The following NBPF19 variants were observed in gnomAD, a reference collection of about 807,000 sequenced individuals.
NBPF19 encodes the protein NBPF family member NBPF19.
NBPF19 carries 30 observed loss-of-function variants against 45.9 expected under a neutral mutation model. The ratio of observed to expected loss-of-function variants is 0.65; its 90% CI spans 0.49 to 0.89. The LOEUF is 0.89. NBPF19 is among the 40% of genes least tolerant of loss of function. NBPF19 has a pLI of 0.00. For synonymous variants in NBPF19, 183 were observed against 181.2 expected (o/e 1.01, Z -0.08); for missense variants, 495 against 471.8 (o/e 1.05, Z -0.46).
At chr1:149,494,141 ATTC>A (rs1411548590) in intron 17 of NBPF19, among the ~76,000 whole-genome samples, 174 bp from the exon 18 acceptor site, 4 of 115,088 alleles carry the variant, frequency 3.5e-5, no homozygotes, top group Non-Finnish European at 6.8e-5. Flanking sequence ...TTTCTCTTTC[ATTC>A]TTCTCTACCT....
At position 149,554,878 on chromosome 1, in the gene NBPF19, A is replaced by C. The variant is rs1471877612; in HGVS notation, c.*140A>C. 1 of 1,470,718 alleles carries C rather than the reference A, an allele frequency of 6.8e-7. No homozygotes were observed. Among genetic ancestry groups the C allele is most frequent in the Non-Finnish European group, 9.2e-7 (1 of 1,081,982 alleles). 91.1% of individuals were successfully genotyped at this position (1,470,718 alleles called of 1,614,324 possible). ...GGCATGGCTCTTTTCCTATTCTCAA[A>C]CCATGCCAGTGGCAACCTGTGCTCA... On this transcript the variant is annotated 3_prime_UTR_variant, in exon 94 of 94. Transcript: ENST00000651566.
intron 15 of NBPF19, among the ~76,000 whole-genome samples, chr1:149,492,519 C>CTCTCTG (rs1420167905): frequency 4.4e-5 from 5 of 113,520 alleles, no homozygotes; most frequent in Non-Finnish European, 9.2e-5. Flanking sequence ...AGGTCACTTT[C>CTCTCTG]TCTCTGTCTC....
intron 93 of NBPF19, 35 bp from the exon 94 acceptor site, chr1:149,554,460 C>G (rs1402171633): frequency 6.2e-7 from 1 of 1,607,696 alleles, no homozygotes; most frequent in Non-Finnish European, 8.5e-7. Context: ...TCTGATTTTC[C>G]CTGGCTGCTT....
At position 149,554,412 on chromosome 1, in the gene NBPF19, C is replaced by T. The variant is rs2087177644; in HGVS notation, c.11289-83C>T. On this transcript the variant is annotated intron_variant, in intron 93 of 93. Transcript: ENST00000651566. The stretch of plus-strand genomic sequence containing the variant: ...ATCCTTTTTCTTTTCTAACCACTTC[C>T]TTATGTGACTTCTGAAATCTAGTGG... 4.4e-6 allele frequency: 7 copies of T among 1,606,840 alleles called. No homozygotes were observed. In the East Asian group the frequency reaches 1.1e-4, roughly 26 times the overall value.
At position 149,554,637 on chromosome 1, in the gene NBPF19, G is replaced by T; in HGVS notation, c.11431G>T (p.Glu3811Ter). Reference sequence around the variant, plus strand: ...AAGTGTGTTTTACTCATTTGAGGAAGAGCATATCAGCTTCGCCCTTTACTT... The same window carrying T: ...AAGTGTGTTTTACTCATTTGAGGAATAGCATATCAGCTTCGCCCTTTACTT... ...YRSVFYSFEEEHISFALYLDN... is the reference protein window; with the variant it reads ...YRSVFYSFEE Residue 3811 changes from glutamate (E) to a stop codon, truncating the protein, a stop_gained, in exon 94 of 94, where the codon GAG (glutamate) becomes TAG (stop). Transcript: ENST00000651566. LOFTEE classifies it low-confidence loss of function (END_TRUNC). 2 of 1,608,370 alleles carry T rather than the reference G, an allele frequency of 1.2e-6. No homozygotes were observed. The highest frequency in any genetic ancestry group is 1.7e-6 in the Non-Finnish European group (2 of 1,176,778).
chr1:149,477,925 G>A lies in NBPF19; in HGVS notation c.176-20G>A, dbSNP rs1218783025. The stretch of plus-strand genomic sequence containing the variant: ...CATGTCCAGCCTTCCACTGAGGCAG[G>A]CGTGTCTGTCTTTTCTCAGAGTATG... On this transcript the variant is annotated intron_variant, in intron 2 of 93. Coordinates refer to ENST00000651566, the MANE Select transcript of NBPF19 (RefSeq NM_001351365.2). 13 of 1,205,416 alleles carry A rather than the reference G, an allele frequency of 1.1e-5. No individual in the cohort carries two copies. The highest frequency in any genetic ancestry group is 9.3e-5 in the East Asian group (4 of 43,060). 74.7% of individuals were successfully genotyped at this position (1,205,416 alleles called of 1,614,324 possible). A position where few individuals can be genotyped will look rare whatever the true frequency, so the allele number is the denominator to read the frequency against.
chr1:149,478,749 C>G, intron 3 of NBPF19, 131 bp from the exon 4 acceptor site: 5 of 1,071,274 alleles, frequency 4.7e-6, no homozygotes, highest in Non-Finnish European at 7.2e-6. Flanking sequence ...CACAGTCATT[C>G]CTTTCAACAT....
At position 149,475,499 on chromosome 1, in the gene NBPF19, G is replaced by A; in HGVS notation, c.-332G>A. The stretch of plus-strand genomic sequence containing the variant: ...GGGTACACGAATACTGAGAGTGAAT[G>A]CTGAAGGAATGATCCCCATTGGTGG... On this transcript the variant is annotated 5_prime_UTR_variant, in exon 1 of 94. The change abolishes an upstream ATG in the 5' untranslated region. Transcript: ENST00000651566. The A allele has an allele frequency of 3.2e-6, 2 of 616,172 alleles. No individual in the cohort carries two copies. Among genetic ancestry groups the A allele is most frequent in the Non-Finnish European group, 5.7e-6 (2 of 352,034 alleles). 38.2% of individuals were successfully genotyped at this position (616,172 alleles called of 1,614,324 possible).
chr1:149,554,515 A>T lies in NBPF19; in HGVS notation c.11309A>T (p.Glu3770Val), dbSNP rs1438430551. 12 of 1,608,130 alleles carry T rather than the reference A, an allele frequency of 7.5e-6. No individual in the cohort carries two copies. In the Admixed American group the frequency reaches 2.0e-4, roughly 27 times the overall value. Residue 3770 changes from glutamate (E) to valine (V), a missense_variant, in exon 94 of 94, where the codon GAA (glutamate) becomes GTA (valine). By Grantham distance (121) the Glu-to-Val change is moderately radical (BLOSUM62 -2). Transcript: ENST00000651566. ...PCPRLNSVLM[E>V]VEEPEVLQDS... ...TCCAGGCTCAACAGCGTGCTGATGG[A>T]AGTGGAAGAGCCTGAAGTCTTACAG...
rs1307033574 is a variant in NBPF19 at position 149,490,964 on chromosome 1, C to A, written c.1491-175C>A. ...TGTGTGTCCATCTGTCTCTTTCATT[C>A]TTTTCCATTTGGCCCTGTTCTGTCC... On this transcript the variant is annotated intron_variant, in intron 13 of 93. Coordinates refer to ENST00000651566, the MANE Select transcript of NBPF19 (RefSeq NM_001351365.2). Among the ~76,000 whole-genome samples, 41 of 130,154 alleles carry A rather than the reference C, an allele frequency of 3.2e-4. 5 individuals carry two copies. The highest frequency in any genetic ancestry group is 1.4e-4 in the Non-Finnish European group (9 of 63,226). 85.4% of individuals were successfully genotyped at this position (130,154 alleles called of 152,430 possible).
chr1:149,481,463 A>G (rs1229078927), intron 6 of NBPF19, among the ~76,000 whole-genome samples: 4 of 79,134 alleles, frequency 5.1e-5, no homozygotes, highest in African/African-American at 1.2e-4. Context: ...GTTTCTTTGT[A>G]GCATCGTGGA....
chr1:149,477,865 C>A lies in NBPF19; in HGVS notation c.176-80C>A, dbSNP rs1407881571. The stretch of plus-strand genomic sequence containing the variant: ...GGGAGAGTTTTGTCCTTGGGATGGA[C>A]CTGGCTCCTGCCCTGTAGGCAGTGA... On this transcript the variant is annotated intron_variant, in intron 2 of 93. Coordinates refer to ENST00000651566, the MANE Select transcript of NBPF19 (RefSeq NM_001351365.2). 8.1e-5 allele frequency: 64 copies of A among 787,252 alleles called. 2 individuals carry two copies. Among genetic ancestry groups the A allele is most frequent in the Non-Finnish European group, 1.4e-4 (63 of 455,448 alleles). 48.8% of individuals were successfully genotyped at this position (787,252 alleles called of 1,614,324 possible).
chr1:149,479,052 G>A lies in NBPF19; in HGVS notation c.451G>A (p.Gly151Arg), dbSNP rs2085011586. ...GGACCTCCAAGAACAGCTGGCTGAG[G>A]GGTGTAGACTGGCACAGCACCTTGT... The part of the protein sequence containing the change: ...GQDLQEQLAE[G>R]CRLAQHLVQK... The change falls in exon 4 of 94, where the codon GGG becomes AGG. Residue 151 changes from glycine to arginine, a missense_variant. This residue lies in a region of NBPF19 where 5 missense variants were observed against 27.0 expected (regional missense o/e 0.19). Transcript: ENST00000651566. The A allele has an allele frequency of 3.8e-6, 6 of 1,570,834 alleles. No individual in the cohort carries two copies. In the African/African-American group the frequency reaches 4.1e-5, roughly 11 times the overall value.
intron 93 of NBPF19, among the ~76,000 whole-genome samples, chr1:149,554,234 G>A (rs1266058255): frequency 1.3e-5 from 2 of 151,600 alleles, no homozygotes; most frequent in Admixed American, 6.6e-5. Flanking sequence ...TCCCTTACCA[G>A]TATGTCACCT....
rs1197183935 is a variant in NBPF19, at chr1:149,554,837, A to T, written c.*99A>T. 2 of 1,581,378 alleles carry T rather than the reference A, an allele frequency of 1.3e-6. No individual in the cohort carries two copies. Among genetic ancestry groups the T allele is most frequent in the Non-Finnish European group, 1.7e-6 (2 of 1,157,874 alleles). ...TACAGTTCCATTTGGAAGCCCAGAC[A>T]TAGGATGGGTCAGTGGGCATGGCTC... On this transcript the variant is annotated 3_prime_UTR_variant, in exon 94 of 94. Coordinates refer to ENST00000651566, the MANE Select transcript of NBPF19 (RefSeq NM_001351365.2).
At position 149,554,465 on chromosome 1, in the gene NBPF19, C is replaced by G; in HGVS notation, c.11289-30C>G. On this transcript the variant is annotated intron_variant, in intron 93 of 93. Coordinates refer to ENST00000651566, the MANE Select transcript of NBPF19 (RefSeq NM_001351365.2). ...CTCTGTGGTGTCTGATTTTCCCTGG[C>G]TGCTTCTTTAGTTTTGTCTCCTTTT... 1.2e-6 allele frequency: 2 copies of G among 1,607,990 alleles called. 1 individual carries two copies. The highest frequency in any genetic ancestry group is 1.7e-6 in the Non-Finnish European group (2 of 1,176,642).
At chr1:149,490,597 C>A (rs1415427615) in intron 13 of NBPF19, 103 bp downstream of exon 13, 9 of 64,052 alleles carry the variant, frequency 1.4e-4, no homozygotes, top group Non-Finnish European at 2.4e-4. Flanking sequence ...TCTTTTCAAG[C>A]AAGCCTGAAT....
rs1266263403 is a variant in NBPF19 at position 149,556,024 on chromosome 1, T to C, written c.*1286T>C. 3 of 144,598 alleles carry C rather than the reference T, an allele frequency of 2.1e-5. No individual in the cohort carries two copies. The highest frequency in any genetic ancestry group is 4.6e-5 in the Non-Finnish European group (3 of 65,572). 9.0% of individuals were successfully genotyped at this position (144,598 alleles called of 1,614,324 possible). A position where few individuals can be genotyped will look rare whatever the true frequency, so the allele number is the denominator to read the frequency against. On this transcript the variant is annotated 3_prime_UTR_variant, in exon 94 of 94. Transcript: ENST00000651566. ...AAAGCGGTTTTCAAGAGTATAAATA[T>C]CCTGTATTCTAATGATCATCCTCTA...
chr1:149,521,098 G>C lies in NBPF19; in HGVS notation c.6165-221G>C, dbSNP rs1433332516. Among the ~76,000 whole-genome samples, 54 of 80,500 alleles carry C rather than the reference G, an allele frequency of 6.7e-4. 1 individual carries two copies. The highest frequency in any genetic ancestry group is 2.1e-3 in the African/African-American group (42 of 20,100). The allele number at this position is 80,500 out of a possible 152,430, so 52.8% of individuals were successfully genotyped here. ...TGTCTCTGTCTCTGTCTCTCTCTCT[G>C]TCTCTGTCTCTCTCTCTCTCTCTCT... is the stretch of plus-strand genomic sequence containing the variant. On this transcript the variant is annotated intron_variant, in intron 51 of 93. Coordinates refer to ENST00000651566, the MANE Select transcript of NBPF19 (RefSeq NM_001351365.2).
Sources: gnomAD v4.1 joint callset for allele counts (sites outside exome capture counted in the v4.1 genomes callset) on GRCh38, gnomAD v4.1.1 for gene constraint, gnomAD v4.1.1 regional missense constraint, MANE v1.5 for transcripts, NCBI Gene and HGNC (gene_info 2026-07-23, HGNC 2026-07-21) for gene names.